PDK1: variants seen among roughly 807,000 people sequenced by gnomAD.
PDK1 encodes the protein pyruvate dehydrogenase kinase 1, also known as [Pyruvate dehydrogenase (acetyl-transferring)] kinase isozyme 1, mitochondrial.
In PDK1, 39 loss-of-function variants were observed where a neutral mutation model predicts 54.2. The ratio of observed to expected loss-of-function variants is 0.72; its 90% CI spans 0.56 to 0.94. The LOEUF is 0.94. Among genes scored for constraint, PDK1 ranks in the 40% least tolerant of loss-of-function variants. The pLI is 0.00. For synonymous variants in PDK1, 221 were observed against 207.1 expected, an observed-to-expected ratio of 1.07 and a Z score of -0.58; for missense variants, 552 against 566.0, an observed-to-expected ratio of 0.98 and a Z score of 0.25.
chr2:172,578,368 T>C lies in PDK1; in HGVS notation c.945+7544T>C, dbSNP rs148946014. On this transcript the variant is annotated intron_variant, in intron 8 of 10. Transcript: ENST00000282077. ...CGTTTATTTTTCATTTCATTTATTG[T>C]ACTTCTCAATTCCAGAATTTCAACT... Among the ~76,000 whole-genome samples, 3 of 152,384 alleles carry C rather than the reference T, an allele frequency of 2.0e-5. No individual in the cohort carries two copies. In the East Asian group the frequency reaches 5.8e-4, roughly 29 times the overall value.
At chr2:172,628,816 A>T in the PDK1 span, among the ~76,000 whole-genome samples, 1 of 152,126 alleles carries the variant, frequency 6.6e-6, no homozygotes, top group Non-Finnish European at 1.5e-5. Context: ...CATTGCCTCT[A>T]AATCTCTACT....
the PDK1 span, among the ~76,000 whole-genome samples, chr2:172,673,315 C>T: frequency 6.6e-6 from 1 of 152,258 alleles, no homozygotes; most frequent in African/African-American, 2.4e-5. Flanking sequence ...AGGCATTCTT[C>T]CCTTACTAGT....
At chr2:172,621,058 T>G in the PDK1 span, among the ~76,000 whole-genome samples, 2 of 152,152 alleles carry the variant, frequency 1.3e-5, no homozygotes. Context: ...GGCAGACGGA[T>G]CACTTGAAGC....
chr2:172,555,758 C>A (rs1208239958), upstream of PDK1: 10 of 167,930 alleles, frequency 6.0e-5, no homozygotes, highest in Non-Finnish European at 1.1e-4. Context: ...AGGGGACGCT[C>A]CATACCGCCT....
intron 2 of PDK1, 103 bp downstream of exon 2, chr2:172,558,952 T>A: frequency 1.0e-5 from 12 of 1,202,022 alleles, no homozygotes; most frequent in Non-Finnish European, 1.4e-5. Context: ...TTTTTTGTTT[T>A]GTTTTGTTTT....
chr2:172,614,187 C>A, the PDK1 span, among the ~76,000 whole-genome samples: 1 of 151,274 alleles, frequency 6.6e-6, no homozygotes, highest in Admixed American at 6.6e-5. Flanking sequence ...CCCCCCCAAC[C>A]CCCATCCCTG....
the PDK1 span, among the ~76,000 whole-genome samples, chr2:172,685,623 G>A: frequency 2.0e-5 from 3 of 152,208 alleles, no homozygotes; most frequent in Admixed American, 1.3e-4. Context: ...AAATGTGAGT[G>A]TTTAGCATTG....
downstream of PDK1, among the ~76,000 whole-genome samples, chr2:172,611,899 G>T (rs1691475150): frequency 6.6e-6 from 1 of 152,196 alleles, no homozygotes; most frequent in Admixed American, 6.5e-5. Context: ...CTGCCCTCAG[G>T]CACCTTTTCC....
intron 8 of PDK1, among the ~76,000 whole-genome samples, chr2:172,580,208 G>C (rs1177043030): frequency 2.8e-5 from 4 of 141,950 alleles, no homozygotes; most frequent in Admixed American, 2.1e-4. Flanking sequence ...GATGCCATCT[G>C]TTTGCTGTAA....
At chr2:172,563,079 TAA>T (rs1452356052) in intron 3 of PDK1, among the ~76,000 whole-genome samples, 2 of 152,224 alleles carry the variant, frequency 1.3e-5, no homozygotes, top group African/African-American at 4.8e-5. Flanking sequence ...TTTTAATCTT[TAA>T]AACAATTCAT....
chr2:172,669,930 A>G, the PDK1 span, among the ~76,000 whole-genome samples: 1 of 152,034 alleles, frequency 6.6e-6, no homozygotes, highest in South Asian at 2.1e-4. Context: ...TCATTTGCAA[A>G]TATTTTCTCC....
At chr2:172,616,945 G>A in the PDK1 span, among the ~76,000 whole-genome samples, 1 of 151,908 alleles carries the variant, frequency 6.6e-6, no homozygotes, top group Admixed American at 6.6e-5. Context: ...AATAATGATT[G>A]GTTATTTTAT....
chr2:172,593,284 A>G (rs1690707549), intron 10 of PDK1, among the ~76,000 whole-genome samples: 3 of 152,210 alleles, frequency 2.0e-5, no homozygotes, highest in Admixed American at 6.5e-5. Context: ...ATTGGGTTAA[A>G]GTAGAGAATC....
the PDK1 span, among the ~76,000 whole-genome samples, chr2:172,632,991 A>AAAAAAAAAAAAAAAACAAAAAAC: frequency 2.7e-5 from 4 of 147,486 alleles, no homozygotes; most frequent in African/African-American, 1.0e-4. Context: ...AAAAAAAAAA[A>AAAAAAAAAAAAAAAACAAAAAAC]AAGGAACATA....
chr2:172,638,107 G>A, the PDK1 span, among the ~76,000 whole-genome samples: 1 of 152,150 alleles, frequency 6.6e-6, no homozygotes, highest in South Asian at 2.1e-4. Flanking sequence ...TACTTGGATA[G>A]AAACAGTCAT....
At chr2:172,703,154 G>A in the PDK1 span, among the ~76,000 whole-genome samples, 1 of 152,162 alleles carries the variant, frequency 6.6e-6, no homozygotes, top group Non-Finnish European at 1.5e-5. Context: ...TATGAAGACA[G>A]AGGCGAAGGT....
chr2:172,705,278 T>C, the PDK1 span, among the ~76,000 whole-genome samples: 1 of 152,342 alleles, frequency 6.6e-6, no homozygotes, highest in East Asian at 1.9e-4. Context: ...AAAATTTTGC[T>C]AAAACATTTA....
chr2:172,666,268 T>G, the PDK1 span, among the ~76,000 whole-genome samples: 3 of 152,226 alleles, frequency 2.0e-5, no homozygotes, highest in Non-Finnish European at 4.4e-5. Flanking sequence ...GGCTCAAGAT[T>G]TACATCAATA....
At chr2:172,565,298 T>TTTTTG (rs765465126) in intron 5 of PDK1, among the ~76,000 whole-genome samples, 12 of 152,196 alleles carry the variant, frequency 7.9e-5, no homozygotes, top group South Asian at 2.1e-4. Flanking sequence ...GAGGATATCT[T>TTTTTG]TTTTGTTTTG....
Sources: gnomAD v4.1 joint callset for allele counts (sites outside exome capture counted in the v4.1 genomes callset) on GRCh38, gnomAD v4.1.1 for gene constraint, MANE v1.5 for transcripts, NCBI Gene and HGNC (gene_info 2026-07-23, HGNC 2026-07-21) for gene names.